Variants in CLMN observed in about 807,000 individuals in gnomAD.
CLMN encodes calmin.
CLMN carries 57 observed loss-of-function variants against 92.7 expected under a neutral mutation model. The ratio of observed to expected loss-of-function variants is 0.61; its 90% CI spans 0.50 to 0.77. The LOEUF (loss-of-function observed/expected upper bound fraction) is 0.77, where lower values mean the gene tolerates loss of function less well. CLMN is among the 30% of genes least tolerant of loss of function. CLMN has a pLI of 0.00. For synonymous variants in CLMN, 466 were observed against 470.6 expected (o/e 0.99, Z 0.13); for missense variants, 1,158 against 1,237.5 (o/e 0.94, Z 0.96).
intron 2 of CLMN, among the ~76,000 whole-genome samples, chr14:95,225,748 C>G (rs533446975): frequency 2.8e-4 from 43 of 152,290 alleles, no homozygotes; most frequent in Non-Finnish European, 5.0e-4. Context: ...TGAGGGGAAA[C>G]GCAATTCCCT....
At chr14:95,279,065 A>T (rs1900043812) in intron 1 of CLMN, among the ~76,000 whole-genome samples, 1 of 152,188 alleles carries the variant, frequency 6.6e-6, no homozygotes, top group African/African-American at 2.4e-5. Context: ...GCATGTATTT[A>T]TATGTGTTCT....
rs1294176301 is a variant in CLMN at position 95,203,114 on chromosome 14, T to C, written c.2235A>G (p.Glu745=). The change falls in exon 9 of 13, where the codon GAA becomes GAG. Residue 745 remains glutamate (E), a synonymous_variant. Transcript: ENST00000298912. ...CTTCATTTTTTAGATCCTCCGGGTCTTCTACATAAGCCTCCAAAACTGCAG... is the reference window on the plus strand; with the variant it reads ...CTTCATTTTTTAGATCCTCCGGGTCCTCTACATAAGCCTCCAAAACTGCAG... ...PLAAVLEAYV[E]DPEDLKNEEM... 1 of 1,613,348 alleles carries C rather than the reference T, an allele frequency of 6.2e-7. No individual in the cohort carries two copies. Among genetic ancestry groups the C allele is most frequent in the East Asian group, 2.2e-5 (1 of 44,886 alleles).
rs1026821852 is a variant in CLMN at position 95,319,601 on chromosome 14, A to G, written c.82+110T>C. 44 of 892,404 alleles carry G rather than the reference A, an allele frequency of 4.9e-5. No individual in the cohort carries two copies. The African/African-American group carries it at 8.0e-4, about 16-fold the overall frequency. 55.3% of individuals were successfully genotyped at this position (892,404 alleles called of 1,614,324 possible). A position where few individuals can be genotyped will look rare whatever the true frequency, so the allele number is the denominator to read the frequency against. On this transcript the variant is annotated intron_variant, in intron 1 of 12. Coordinates refer to ENST00000298912, the MANE Select transcript of CLMN (RefSeq NM_024734.4). ...CCACCTCGAGGCAAGTGACAGGAAC[A>G]ACGAGCGGCCGGCGAGCGGGGGCGG... is the stretch of plus-strand genomic sequence containing the variant.
chr14:95,251,106 C>T (rs552256753), intron 1 of CLMN, among the ~76,000 whole-genome samples: 4 of 152,266 alleles, frequency 2.6e-5, no homozygotes, highest in Admixed American at 6.5e-5. Context: ...GTATGGAATA[C>T]GCATTTGGCG....
Position 95,191,894 on chromosome 14 carries a change from C to G in CLMN, c.2841-162G>C, listed in dbSNP as rs888075972. The G allele has an allele frequency of 6.5e-5, 39 of 599,372 alleles. No homozygotes were observed. The highest frequency in any genetic ancestry group is 3.9e-5 in the Non-Finnish European group (14 of 357,426). The allele number at this position is 599,372 out of a possible 1,614,324, so 37.1% of individuals were successfully genotyped here. Reference sequence around the variant, plus strand: ...TAGGCCCCACACTGTGTGTACTGGCCCAAGGCAGTGCGTCGGGCCATCCAG... The same window carrying G: ...TAGGCCCCACACTGTGTGTACTGGCGCAAGGCAGTGCGTCGGGCCATCCAG... On this transcript the variant is annotated intron_variant, in intron 12 of 12. Coordinates refer to ENST00000298912, the MANE Select transcript of CLMN (RefSeq NM_024734.4). The surrounding 1 kb of genome is among the most constrained non-coding windows in gnomAD (Gnocchi z 5.3).
rs936698574 is a variant in CLMN, at chr14:95,184,671, A to T, written c.*6893T>A. 2 of 152,344 alleles carry T rather than the reference A, an allele frequency of 1.3e-5. No individual in the cohort carries two copies. The highest frequency in any genetic ancestry group is 6.8e-3 in the Middle Eastern group (2 of 294). 9.4% of individuals were successfully genotyped at this position (152,344 alleles called of 1,614,324 possible). On this transcript the variant is annotated 3_prime_UTR_variant, in exon 13 of 13. Transcript: ENST00000298912. ...GAACACTCAGCTCAGAAACTCTGAT[A>T]ACTTTTGTGGGCTCTTGGGGAACCA...
intron 1 of CLMN, among the ~76,000 whole-genome samples, chr14:95,241,840 CGT>C (rs1396878602): frequency 8.5e-5 from 13 of 152,094 alleles, no homozygotes; most frequent in African/African-American, 2.7e-4. Flanking sequence ...TGTGTGTGTG[CGT>C]GTGTGTATAT....
chr14:95,274,519 C>A (rs1482723196), intron 1 of CLMN, among the ~76,000 whole-genome samples: 1 of 152,146 alleles, frequency 6.6e-6, no homozygotes, highest in Non-Finnish European at 1.5e-5. Flanking sequence ...GTATCACTCC[C>A]CATCAGGTTC....
chr14:95,245,194 AATATATATATATATT>A (rs1898436511), intron 1 of CLMN, among the ~76,000 whole-genome samples: 10 of 35,490 alleles, frequency 2.8e-4, no homozygotes, highest in Admixed American at 4.8e-4. Context: ...ATATATATAT[AATATATATATATATT>A]ATATATATAT....
chr14:95,308,315 A>G (rs1473008396), intron 1 of CLMN, among the ~76,000 whole-genome samples: 3 of 152,158 alleles, frequency 2.0e-5, no homozygotes, highest in African/African-American at 7.2e-5. Flanking sequence ...CTTGCCCAAC[A>G]TCCTTTAGCT....
intron 3 of CLMN, 69 bp downstream of exon 3, chr14:95,223,691 G>T: frequency 7.9e-7 from 1 of 1,260,324 alleles, no homozygotes; most frequent in Non-Finnish European, 1.1e-6. Flanking sequence ...TATTTGTGTT[G>T]AAAAGAAAAC....
intron 1 of CLMN, among the ~76,000 whole-genome samples, chr14:95,258,551 G>A (rs544123821): frequency 3.3e-4 from 49 of 150,496 alleles, no homozygotes; most frequent in Non-Finnish European, 5.5e-4. Context: ...GTTTGTATGT[G>A]TGGTGTGGTT....
intron 1 of CLMN, among the ~76,000 whole-genome samples, chr14:95,237,706 C>A (rs1898104078): frequency 6.6e-6 from 1 of 152,208 alleles, no homozygotes. Flanking sequence ...ACAGCCGCAG[C>A]CCCATGGGTG....
intron 1 of CLMN, among the ~76,000 whole-genome samples, chr14:95,318,355 A>G (rs1343235736): frequency 6.6e-6 from 1 of 152,062 alleles, no homozygotes; most frequent in Non-Finnish European, 1.5e-5. Context: ...CTTTAACACA[A>G]ATCACAGCCA....
At chr14:95,210,934 G>C (rs988972326) in intron 6 of CLMN, 55 bp from the exon 7 acceptor site, 1 of 1,472,030 alleles carries the variant, frequency 6.8e-7, no homozygotes, top group Non-Finnish European at 9.0e-7. Flanking sequence ...CAGACTCAAA[G>C]GTGCAAGGTC....
intron 1 of CLMN, chr14:95,260,502 A>G (rs1361893019): frequency 6.6e-6 from 1 of 152,230 alleles, no homozygotes; most frequent in African/African-American, 2.4e-5. Flanking sequence ...TGTTGAAAGA[A>G]TCAAGCACTT....
At chr14:95,244,650 C>T (rs948293362) in intron 1 of CLMN, among the ~76,000 whole-genome samples, 2 of 152,188 alleles carry the variant, frequency 1.3e-5, no homozygotes, top group African/African-American at 4.8e-5. Flanking sequence ...TGAAAGACTA[C>T]TATAATTCTT....
chr14:95,201,068 T>C (rs966974304), intron 9 of CLMN, among the ~76,000 whole-genome samples: 2 of 151,672 alleles, frequency 1.3e-5, no homozygotes, highest in Non-Finnish European at 2.9e-5. Flanking sequence ...AGATGATGGG[T>C]TGATGGGTGC....
chr14:95,254,102 C>CA (rs1317609368), intron 1 of CLMN, among the ~76,000 whole-genome samples: 1 of 152,184 alleles, frequency 6.6e-6, no homozygotes, highest in African/African-American at 2.4e-5. Context: ...GTGTGAGTCT[C>CA]AGAGTCTCAG....
Sources: gnomAD v4.1 joint callset for allele counts (sites outside exome capture counted in the v4.1 genomes callset) on GRCh38, gnomAD v4.1.1 for gene constraint, Gnocchi (gnomAD v3.1) non-coding constraint, MANE v1.5 for transcripts, NCBI Gene and HGNC (gene_info 2026-07-23, HGNC 2026-07-21) for gene names.